The following KCNH5 variants were observed in gnomAD, a reference collection of about 807,000 sequenced individuals.
KCNH5 encodes the protein voltage-gated delayed rectifier potassium channel KCNH5.
KCNH5 carries 46 observed loss-of-function variants against 96.1 expected under a neutral mutation model. The observed-to-expected ratio is 0.48, with a 90% CI of 0.38 to 0.61. The LOEUF (loss-of-function observed/expected upper bound fraction) is 0.61. Ranked by LOEUF, KCNH5 falls within the 20% of genes least tolerant of loss-of-function variation. The pLI is 0.00. For synonymous variants in KCNH5, 439 were observed against 449.8 expected, an observed-to-expected ratio of 0.98 and a Z score of 0.30; for missense variants, 907 against 1,225.8, an observed-to-expected ratio of 0.74 and a Z score of 3.88.
chr14:62,790,019 G>A (rs550726771), intron 9 of KCNH5, among the ~76,000 whole-genome samples: 3 of 150,954 alleles, frequency 2.0e-5, no homozygotes, highest in African/African-American at 4.8e-5. Context: ...TCTCATCAAC[G>A]TGTTTTATGG....
At chr14:62,880,711 T>A (rs1160609970) in intron 7 of KCNH5, among the ~76,000 whole-genome samples, 1 of 152,242 alleles carries the variant, frequency 6.6e-6, no homozygotes, top group Non-Finnish European at 1.5e-5. Flanking sequence ...GGACTGTGAA[T>A]AATTTTATCA....
intron 7 of KCNH5, among the ~76,000 whole-genome samples, chr14:62,886,121 G>GACACACACACAC (rs58900799): frequency 1.7e-3 from 250 of 147,904 alleles, no homozygotes; most frequent in African/African-American, 5.2e-3. Context: ...ACCTGCAGAG[G>GACACACACACAC]ACACACACAC....
At chr14:62,908,782 A>ATTTTTTTTTTTTTTTTTTTTTTTTTT (rs71120241) in intron 7 of KCNH5, among the ~76,000 whole-genome samples, 5 of 23,718 alleles carry the variant, frequency 2.1e-4, no homozygotes, top group Non-Finnish European at 3.5e-4. Flanking sequence ...TTTGCTTTGT[A>ATTTTTTTTTTTTTTTTTTTTTTTTTT]TTTTTTTTTT....
chr14:62,946,209 T>C (rs138254589), intron 7 of KCNH5, among the ~76,000 whole-genome samples: 1 of 152,082 alleles, frequency 6.6e-6, no homozygotes, highest in Non-Finnish European at 1.5e-5. Flanking sequence ...TATTAATAGA[T>C]GTAACATAGA....
chr14:63,001,856 T>G (rs1891016936), intron 3 of KCNH5, among the ~76,000 whole-genome samples: 1 of 152,202 alleles, frequency 6.6e-6, no homozygotes, highest in Admixed American at 6.5e-5. Context: ...CCTGCTTCTC[T>G]CGTCATGTCA....
At chr14:63,029,287 TCCGTACCA>T (rs1429240855) in intron 1 of KCNH5, among the ~76,000 whole-genome samples, 1 of 152,054 alleles carries the variant, frequency 6.6e-6, no homozygotes, top group Non-Finnish European at 1.5e-5. Context: ...GGATCCCTTC[TCCGTACCA>T]CCAAGTAAGT....
intron 3 of KCNH5, among the ~76,000 whole-genome samples, chr14:63,001,759 C>T (rs930367628): frequency 2.0e-5 from 3 of 152,204 alleles, no homozygotes; most frequent in African/African-American, 4.8e-5. Context: ...TAAGCAATCC[C>T]AGCAACACCT....
chr14:62,724,395 C>T (rs1024492266), intron 10 of KCNH5, among the ~76,000 whole-genome samples: 2 of 152,118 alleles, frequency 1.3e-5, no homozygotes, highest in African/African-American at 4.8e-5. Flanking sequence ...TATACAACAA[C>T]ACAAGAGGTC....
intron 7 of KCNH5, among the ~76,000 whole-genome samples, chr14:62,909,803 T>A (rs1314837052): frequency 1.3e-5 from 2 of 152,136 alleles, no homozygotes; most frequent in Admixed American, 6.5e-5. Flanking sequence ...AACCACACAA[T>A]GTCAGCCCAT....
intron 7 of KCNH5, among the ~76,000 whole-genome samples, chr14:62,897,763 G>A (rs910686464): frequency 2.0e-5 from 3 of 152,054 alleles, no homozygotes; most frequent in Non-Finnish European, 2.9e-5. Flanking sequence ...CATTTTTCAC[G>A]TAGTTACAAA....
At chr14:62,920,991 G>A (rs957131739) in intron 7 of KCNH5, among the ~76,000 whole-genome samples, 1 of 152,032 alleles carries the variant, frequency 6.6e-6, no homozygotes, top group South Asian at 2.1e-4. Flanking sequence ...TTACTTAAAG[G>A]CAGCACAATT....
At chr14:63,009,554 T>C (rs1891188213) in intron 2 of KCNH5, among the ~76,000 whole-genome samples, 1 of 152,170 alleles carries the variant, frequency 6.6e-6, no homozygotes, top group Non-Finnish European at 1.5e-5. Context: ...TGATAGAACA[T>C]GTATTTGAAG....
chr14:62,852,761 T>A (rs1359696497), intron 7 of KCNH5, among the ~76,000 whole-genome samples: 1 of 152,170 alleles, frequency 6.6e-6, no homozygotes, highest in Non-Finnish European at 1.5e-5. Flanking sequence ...CTGGAATACA[T>A]TTCAAAAGAG....
At chr14:62,932,590 A>G (rs1397193135) in intron 7 of KCNH5, among the ~76,000 whole-genome samples, 1 of 152,122 alleles carries the variant, frequency 6.6e-6, no homozygotes, top group African/African-American at 2.4e-5. Context: ...AAATAACTCA[A>G]GAAAATATCC....
intron 10 of KCNH5, among the ~76,000 whole-genome samples, chr14:62,753,168 G>T (rs1885540830): frequency 6.6e-6 from 1 of 152,058 alleles, no homozygotes; most frequent in African/African-American, 2.4e-5. Context: ...AAATTAAAAA[G>T]AATCAAACAG....
At chr14:62,900,428 G>A (rs1049330847) in intron 7 of KCNH5, among the ~76,000 whole-genome samples, 1 of 152,100 alleles carries the variant, frequency 6.6e-6, no homozygotes, top group Non-Finnish European at 1.5e-5. Flanking sequence ...GCAAAATTAT[G>A]TCTTTCAACA....
intron 10 of KCNH5, among the ~76,000 whole-genome samples, chr14:62,722,154 C>A (rs930038454): frequency 6.6e-6 from 1 of 152,192 alleles, no homozygotes; most frequent in Non-Finnish European, 1.5e-5. Flanking sequence ...AAAACCCTCA[C>A]CCTCATGTTC....
chr14:62,738,950 T>C (rs2139932581), intron 10 of KCNH5, among the ~76,000 whole-genome samples: 1 of 152,278 alleles, frequency 6.6e-6, no homozygotes, highest in Non-Finnish European at 1.5e-5. Context: ...TTACTTTAGC[T>C]GGGTCTTAAA....
Position 62,793,086 on chromosome 14 carries a change from C to A in KCNH5, c.1822+9243G>T, listed in dbSNP as rs1050020485. Reference sequence around the variant, plus strand: ...TCATGATTCCACTCATATGAAGTGTCTATAATAGTTACATTCATAGAAGCA... The same window carrying A: ...TCATGATTCCACTCATATGAAGTGTATATAATAGTTACATTCATAGAAGCA... On this transcript the variant is annotated intron_variant, in intron 9 of 10. Transcript: ENST00000322893. Among the ~76,000 whole-genome samples the A allele has an allele frequency of 4.0e-5, 6 of 151,788 alleles. 1 individual carries two copies. The South Asian group carries it at 1.2e-3, about 32-fold the overall frequency.
Sources: allele counts gnomAD v4.1 joint callset (sites outside exome capture counted in the v4.1 genomes callset), GRCh38; gene constraint gnomAD v4.1.1; transcripts MANE v1.5; gene names NCBI Gene and HGNC (gene_info 2026-07-23, HGNC 2026-07-21).